Variants in SORL1-AS1 observed in about 807,000 individuals in gnomAD.
SORL1-AS1 encodes lncRNA 51 A.
rs773886274 is a variant in SORL1-AS1, at chr11:121,451,074, T to A, written n.340-1175A>T. ...TTTAGAAAATTGAACTGACCATCCCTTCCTTCCCCTGAACAGCAGCTTGTA... is the reference window on the plus strand; with the variant it reads ...TTTAGAAAATTGAACTGACCATCCCATCCTTCCCCTGAACAGCAGCTTGTA... On this transcript the variant is annotated intron_variant and non_coding_transcript_variant, in intron 1 of 1. Coordinates refer to ENST00000501964, the Ensembl canonical transcript of SORL1-AS1. 4.6e-5 allele frequency among the ~76,000 whole-genome samples: 7 copies of A among 152,306 alleles called. No homozygotes were observed. In the East Asian group the frequency reaches 1.4e-3, roughly 29 times the overall value.
the SORL1-AS1 span, among the ~76,000 whole-genome samples, chr11:121,441,694 C>G: frequency 6.6e-6 from 1 of 152,100 alleles, no homozygotes; most frequent in African/African-American, 2.4e-5. Flanking sequence ...TGAGGATGTT[C>G]TGGTGAGCCA....
chr11:121,439,479 T>C, the SORL1-AS1 span, among the ~76,000 whole-genome samples: 4 of 151,984 alleles, frequency 2.6e-5, no homozygotes, highest in Non-Finnish European at 1.5e-5. Context: ...TATGAGTCCT[T>C]TGGCACCGTG....
At chr11:121,442,680 TA>T (rs1313212575), downstream of SORL1-AS1, among the ~76,000 whole-genome samples, 345 of 147,552 alleles carry the variant, frequency 2.3e-3, 2 homozygotes, top group Non-Finnish European at 4.1e-3. Flanking sequence ...TTTATTTATT[TA>T]TTTATTTATT....
chr11:121,452,161 G>T lies in SORL1-AS1; in HGVS notation n.339+514C>A. The T allele has an allele frequency of 5.3e-6, 1 of 190,014 alleles. No individual in the cohort carries two copies. The highest frequency in any genetic ancestry group is 1.6e-4 in the South Asian group (1 of 6,108). The allele number at this position is 190,014 out of a possible 1,614,324, so 11.8% of individuals were successfully genotyped here. ...ACACGTGACGGCGCCGCGCCGAACC[G>T]AGCGGGACCTGGCGGCAGCGGCGGC... On this transcript the variant is annotated intron_variant and non_coding_transcript_variant, in intron 1 of 1. Coordinates refer to ENST00000501964, the Ensembl canonical transcript of SORL1-AS1. This position sits in a 1 kb window ranked among gnomAD's most constrained non-coding sequence, Gnocchi z 5.3.
chr11:121,440,873 A>G, the SORL1-AS1 span, among the ~76,000 whole-genome samples: 2 of 152,200 alleles, frequency 1.3e-5, no homozygotes, highest in South Asian at 4.1e-4. Flanking sequence ...TGATTTCTGA[A>G]GGCTCTTGTG....
At chr11:121,451,563 T>C (rs535953459) in intron 1 of SORL1-AS1, among the ~76,000 whole-genome samples, 28 of 152,348 alleles carry the variant, frequency 1.8e-4, no homozygotes, top group African/African-American at 6.3e-4. Flanking sequence ...TGTGTAATAA[T>C]TGTCCAGGTG....
exon 2 of SORL1-AS1, chr11:121,449,182 GT>G (rs1453376441): frequency 6.6e-6 from 1 of 152,176 alleles, no homozygotes; most frequent in Non-Finnish European, 1.5e-5. Flanking sequence ...GCTTAAGACT[GT>G]TTTATACACA....
chr11:121,442,739 C>T (rs1343323043), downstream of SORL1-AS1, among the ~76,000 whole-genome samples: 29 of 148,502 alleles, frequency 2.0e-4, no homozygotes, highest in Non-Finnish European at 3.4e-4. Flanking sequence ...AGTGCAGTGG[C>T]GTGATCTCGG....
At chr11:121,448,878 T>C (rs1860756173) in exon 2 of SORL1-AS1, 1 of 152,178 alleles carries the variant, frequency 6.6e-6, no homozygotes, top group Non-Finnish European at 1.5e-5. Context: ...GGCTGTAACC[T>C]AGCCTAGGTG....
At chr11:121,439,431 T>C in the SORL1-AS1 span, among the ~76,000 whole-genome samples, 10 of 151,768 alleles carry the variant, frequency 6.6e-5, no homozygotes, top group African/African-American at 2.4e-4. Context: ...GATTGTCCTT[T>C]TATTACTGAT....
At chr11:121,448,887 T>A (rs931811877) in exon 2 of SORL1-AS1, 1 of 152,210 alleles carries the variant, frequency 6.6e-6, no homozygotes, top group Non-Finnish European at 1.5e-5. Context: ...CTAGCCTAGG[T>A]GCCTAAGGAG....
At chr11:121,446,506 T>C (rs1045437235), downstream of SORL1-AS1, among the ~76,000 whole-genome samples, 1 of 152,038 alleles carries the variant, frequency 6.6e-6, no homozygotes, top group Non-Finnish European at 1.5e-5. Context: ...ATCCCAGCAC[T>C]TTGGGAAGCT....
Position 121,452,839 on chromosome 11 carries a change from G to A in SORL1-AS1, n.175C>T. 1 of 476,120 alleles carries A rather than the reference G, an allele frequency of 2.1e-6. No individual in the cohort carries two copies. Among genetic ancestry groups the A allele is most frequent in the Non-Finnish European group, 3.7e-6 (1 of 273,878 alleles). The allele number at this position is 476,120 out of a possible 1,614,324, so 29.5% of individuals were successfully genotyped here. A position where few individuals can be genotyped will look rare whatever the true frequency, so the allele number is the denominator to read the frequency against. ...GTAAACGTATTCCAGGTAACTCGCC[G>A]GGTGCAGTGCGTATTACCCCAGGGT... On this transcript the variant is annotated non_coding_transcript_exon_variant, in exon 1 of 2. Coordinates refer to ENST00000501964, the Ensembl canonical transcript of SORL1-AS1. This position sits in a 1 kb window ranked among gnomAD's most constrained non-coding sequence, Gnocchi z 5.3.
At chr11:121,442,105 T>C in the SORL1-AS1 span, among the ~76,000 whole-genome samples, 2 of 152,208 alleles carry the variant, frequency 1.3e-5, no homozygotes, top group Non-Finnish European at 2.9e-5. Flanking sequence ...ATTTTAATGA[T>C]AGCAAACCTT....
At chr11:121,442,084 C>G in the SORL1-AS1 span, among the ~76,000 whole-genome samples, 1 of 152,208 alleles carries the variant, frequency 6.6e-6, no homozygotes, top group Non-Finnish European at 1.5e-5. Context: ...CCTCCACAAC[C>G]TCACTGCCAG....
rs1028307356 is a variant in SORL1-AS1 at position 121,452,274 on chromosome 11, C to A, written n.339+401G>T. The stretch of plus-strand genomic sequence containing the variant: ...GTCCCGGCCCAGCGGCTCTCCTGGC[C>A]TCGCGCTGCACATTCTCTCCTGGCG... On this transcript the variant is annotated intron_variant and non_coding_transcript_variant, in intron 1 of 1. Transcript: ENST00000501964. This position sits in a 1 kb window ranked among gnomAD's most constrained non-coding sequence, Gnocchi z 5.3. 2 of 1,374,808 alleles carry A rather than the reference C, an allele frequency of 1.5e-6. No individual in the cohort carries two copies. The highest frequency in any genetic ancestry group is 1.9e-6 in the Non-Finnish European group (2 of 1,051,822). 85.2% of individuals were successfully genotyped at this position (1,374,808 alleles called of 1,614,324 possible).
the SORL1-AS1 span, among the ~76,000 whole-genome samples, chr11:121,442,028 A>C: frequency 6.6e-6 from 1 of 152,198 alleles, no homozygotes; most frequent in African/African-American, 2.4e-5. Flanking sequence ...GTTATTTTTG[A>C]TAGACAGAGT....
At position 121,452,929 on chromosome 11, in the gene SORL1-AS1, A is replaced by G. The variant is rs1041239113; in HGVS notation, n.85T>C. The G allele has an allele frequency of 9.5e-5, 29 of 303,676 alleles. No homozygotes were observed. The highest frequency in any genetic ancestry group is 1.6e-4 in the Non-Finnish European group (26 of 165,184). The allele number at this position is 303,676 out of a possible 1,614,324, so 18.8% of individuals were successfully genotyped here. A position where few individuals can be genotyped will look rare whatever the true frequency, so the allele number is the denominator to read the frequency against. On this transcript the variant is annotated non_coding_transcript_exon_variant, in exon 1 of 2. Transcript: ENST00000501964. This position sits in a 1 kb window ranked among gnomAD's most constrained non-coding sequence, Gnocchi z 5.3. Reference sequence around the variant, plus strand: ...GTGCAGCTTCATTTTACATCTGGATAAAAAACGGGCTTTCTTTAGTGTATC... The same window carrying G: ...GTGCAGCTTCATTTTACATCTGGATGAAAAACGGGCTTTCTTTAGTGTATC...
At chr11:121,444,090 G>A (rs538465691), downstream of SORL1-AS1, among the ~76,000 whole-genome samples, 24 of 146,396 alleles carry the variant, frequency 1.6e-4, no homozygotes, top group East Asian at 1.6e-3. Flanking sequence ...GTGTGTGTGC[G>A]CGTGGGTGTG....
Sources: allele counts gnomAD v4.1 joint callset (sites outside exome capture counted in the v4.1 genomes callset), GRCh38; gene constraint gnomAD v4.1.1; non-coding constraint Gnocchi (gnomAD v3.1); transcripts MANE v1.5; gene names NCBI Gene and HGNC (gene_info 2026-07-23, HGNC 2026-07-21).